Variants in SAMD12 observed in about 807,000 individuals in gnomAD.
The protein encoded by SAMD12 is sterile alpha motif domain containing 12, also known as sterile alpha motif domain-containing protein 12.
Under a neutral mutation model 15.0 loss-of-function variants are expected in SAMD12, and 9 were observed. The ratio of observed to expected loss-of-function variants is 0.60; its 90% CI spans 0.36 to 1.05. SAMD12 has a LOEUF of 1.05. SAMD12 is among the 50% of genes least tolerant of loss of function. The pLI is 0.01. For synonymous variants in SAMD12, 86 were observed against 90.1 expected (o/e 0.96, Z 0.25); for missense variants, 230 against 234.2 (o/e 0.98, Z 0.12).
At chr8:118,245,882 C>T (rs182929548) in intron 4 of SAMD12, among the ~76,000 whole-genome samples, 166 of 152,098 alleles carry the variant, frequency 1.1e-3, no homozygotes, top group African/African-American at 3.8e-3. Flanking sequence ...GAAAATGTAA[C>T]CTAGTCTAAG....
chr8:118,164,938 C>G, the SAMD12 span, among the ~76,000 whole-genome samples: 1 of 150,910 alleles, frequency 6.6e-6, no homozygotes, highest in African/African-American at 2.5e-5. Flanking sequence ...CTACTCTAAA[C>G]TCATATTCTC....
intron 4 of SAMD12, among the ~76,000 whole-genome samples, chr8:118,230,284 G>A (rs1027105031): frequency 6.6e-6 from 1 of 152,168 alleles, no homozygotes; most frequent in African/African-American, 2.4e-5. Context: ...CAGGCTAAAT[G>A]GCTTGCCCAA....
At chr8:118,467,555 C>T (rs999081667) in intron 2 of SAMD12, among the ~76,000 whole-genome samples, 24 of 152,160 alleles carry the variant, frequency 1.6e-4, no homozygotes, top group African/African-American at 5.3e-4. Context: ...TGGCCATGAT[C>T]TTTGCCACAA....
intron 4 of SAMD12, among the ~76,000 whole-genome samples, chr8:118,205,677 C>A (rs921209253): frequency 6.6e-6 from 1 of 152,218 alleles, no homozygotes; most frequent in African/African-American, 2.4e-5. Context: ...CCTCCACCCC[C>A]ACCCTCTCAC....
chr8:118,319,282 A>G (rs931180107), intron 4 of SAMD12, among the ~76,000 whole-genome samples: 5 of 152,126 alleles, frequency 3.3e-5, no homozygotes, highest in Non-Finnish European at 5.9e-5. Context: ...GCCACCCCTC[A>G]AGAACAAGGG....
the SAMD12 span, among the ~76,000 whole-genome samples, chr8:118,178,957 T>A: frequency 6.6e-6 from 1 of 152,116 alleles, no homozygotes; most frequent in Non-Finnish European, 1.5e-5. Flanking sequence ...CCTTGGATGC[T>A]CAGAAGAGAA....
intron 4 of SAMD12, among the ~76,000 whole-genome samples, chr8:118,276,144 A>T (rs1813469235): frequency 1.3e-5 from 2 of 152,212 alleles, no homozygotes; most frequent in Non-Finnish European, 2.9e-5. Flanking sequence ...CAGTTGTTGG[A>T]ATAGTGTTCC....
intron 4 of SAMD12, among the ~76,000 whole-genome samples, chr8:118,273,935 T>G (rs2130123639): frequency 6.6e-6 from 1 of 152,338 alleles, no homozygotes; most frequent in East Asian, 1.9e-4. Flanking sequence ...GGCTGTGATC[T>G]ATCCAGTGTC....
chr8:118,447,539 G>A (rs1293264178), intron 2 of SAMD12, among the ~76,000 whole-genome samples: 2 of 151,916 alleles, frequency 1.3e-5, no homozygotes, highest in Non-Finnish European at 1.5e-5. Flanking sequence ...TCCTGACCTC[G>A]TGATTTGCCT....
At chr8:118,452,962 AG>A (rs1823126493) in intron 2 of SAMD12, among the ~76,000 whole-genome samples, 2 of 152,242 alleles carry the variant, frequency 1.3e-5, no homozygotes, top group South Asian at 4.1e-4. Context: ...ATCAAGAATT[AG>A]CAGACACATG....
chr8:118,556,443 AT>A (rs1472515879), intron 2 of SAMD12, among the ~76,000 whole-genome samples: 1 of 152,182 alleles, frequency 6.6e-6, no homozygotes, highest in African/African-American at 2.4e-5. Flanking sequence ...GAATCACAAT[AT>A]TTTAGACATT....
chr8:118,587,453 G>A (rs2514587), intron 1 of SAMD12, among the ~76,000 whole-genome samples: 79,009 of 152,120 alleles, frequency 0.52, 23,297 homozygotes, highest in Non-Finnish European at 0.64. Flanking sequence ...GCCACCTACT[G>A]AAGTATGGCT....
intron 4 of SAMD12, among the ~76,000 whole-genome samples, chr8:118,369,396 C>A (rs944463401): frequency 2.0e-5 from 3 of 152,072 alleles, no homozygotes; most frequent in African/African-American, 7.2e-5. Context: ...ACACTTTATA[C>A]AAAAATTAAC....
intron 4 of SAMD12, among the ~76,000 whole-genome samples, chr8:118,219,050 T>C (rs905000942): frequency 6.6e-6 from 1 of 152,216 alleles, no homozygotes; most frequent in African/African-American, 2.4e-5. Flanking sequence ...CCTTTAGATG[T>C]GGCATGAACT....
At chr8:118,351,073 A>C (rs1242021476) in intron 4 of SAMD12, among the ~76,000 whole-genome samples, 1 of 152,128 alleles carries the variant, frequency 6.6e-6, no homozygotes, top group Non-Finnish European at 1.5e-5. Context: ...AGTCTCCAAA[A>C]TCTACTTCTT....
chr8:118,411,259 G>A (rs1586684306), intron 3 of SAMD12, among the ~76,000 whole-genome samples: 1 of 152,162 alleles, frequency 6.6e-6, no homozygotes, highest in East Asian at 1.9e-4. Context: ...AAATAAAGGA[G>A]GCATTTACTC....
intron 4 of SAMD12, among the ~76,000 whole-genome samples, chr8:118,297,425 T>C (rs11997306): frequency 0.2 from 30,385 of 152,092 alleles, 3,087 homozygotes; most frequent in Non-Finnish European, 0.22. Flanking sequence ...GAAGGTCACG[T>C]CACTAGAATA....
intron 4 of SAMD12, among the ~76,000 whole-genome samples, chr8:118,336,378 C>G (rs1817066201): frequency 6.6e-6 from 1 of 152,172 alleles, no homozygotes. Context: ...TTCAAAGCTT[C>G]TTTTGAGTCT....
At chr8:118,447,218 T>C (rs1822940732) in intron 2 of SAMD12, among the ~76,000 whole-genome samples, 1 of 152,166 alleles carries the variant, frequency 6.6e-6, no homozygotes, top group Admixed American at 6.5e-5. Context: ...AACACTGTCA[T>C]GCCACACCTA....
Sources: gnomAD v4.1 joint callset for allele counts (sites outside exome capture counted in the v4.1 genomes callset) on GRCh38, gnomAD v4.1.1 for gene constraint, MANE v1.5 for transcripts, NCBI Gene and HGNC (gene_info 2026-07-23, HGNC 2026-07-21) for gene names.